Variants in MVD observed in about 807,000 individuals in gnomAD.
MVD encodes the protein mevalonate diphosphate decarboxylase.
A neutral mutation model predicts 42.4 loss-of-function variants in MVD; 52 were observed. The observed-to-expected ratio is 1.23, with a 90% CI of 0.98 to 1.55. MVD has a LOEUF of 1.55. MVD is among the 40% of genes most tolerant of loss of function. The probability of loss-of-function intolerance (pLI) is 0.00; values close to 1 mark genes in which losing one functional copy is unlikely to be tolerated. For missense variants in MVD, 663 were observed against 572.1 expected, an observed-to-expected ratio of 1.16 and a Z score of -1.62; for synonymous variants, 287 against 243.2, an observed-to-expected ratio of 1.18 and a Z score of -1.68.
intron 4 of MVD, chr16:88,657,203 T>C: frequency 1.4e-6 from 1 of 699,590 alleles, no homozygotes; most frequent in South Asian, 1.5e-5. Context: ...CCCATCAGCC[T>C]CTTAAGTACT....
At chr16:88,657,802 T>A in intron 3 of MVD, 113 bp downstream of exon 3, 3 of 1,308,502 alleles carry the variant, frequency 2.3e-6, no homozygotes, top group Non-Finnish European at 3.2e-6. Flanking sequence ...CATGTCTGGT[T>A]CCCAGCCACC....
intron 6 of MVD, 46 bp from the exon 7 acceptor site, chr16:88,655,463 C>T: frequency 6.5e-7 from 1 of 1,536,768 alleles, no homozygotes. Flanking sequence ...GGGGTCTCGA[C>T]AGCAGAGGGT....
In MVD at chr16:88,662,698, C is replaced by T. The variant is rs374753109; in HGVS notation, c.70+313G>A. 6,609 of 1,374,784 alleles carry T rather than the reference C, an allele frequency of 4.8e-3. 35 individuals carry two copies. The highest frequency in any genetic ancestry group is 0.019 in the South Asian group (1,453 of 75,746). The allele number at this position is 1,374,784 out of a possible 1,614,324, so 85.2% of individuals were successfully genotyped here. A position where few individuals can be genotyped will look rare whatever the true frequency, so the allele number is the denominator to read the frequency against. ...CTGGAGCCACAAACGCGCACCACCA[C>T]GGCGGATTCTTACGATTCATGGGAA... On this transcript the variant is annotated intron_variant, in intron 1 of 9. Coordinates refer to ENST00000301012, the MANE Select transcript of MVD (RefSeq NM_002461.3).
intron 3 of MVD, 83 bp from the exon 4 acceptor site, chr16:88,657,665 C>T (rs1908020822): frequency 1.3e-6 from 2 of 1,556,120 alleles, no homozygotes; most frequent in South Asian, 2.4e-5. Flanking sequence ...GGGGTCACAG[C>T]TGAACACCAG....
Position 88,653,356 on chromosome 16 carries a change from C to T in MVD, c.1066G>A (p.Ala356Thr). The T allele has an allele frequency of 6.3e-7, 1 of 1,599,680 alleles. No individual in the cohort carries two copies. The highest frequency in any genetic ancestry group is 2.2e-5 in the East Asian group (1 of 44,666). The change falls in exon 9 of 10, where the codon GCT (alanine) becomes ACT (threonine). Residue 356 changes from alanine (A) to threonine (T), a missense_variant. Transcript: ENST00000301012. ...GGGGTCGGCTCCATGGCCAGCGCAG[C>T]CTGAAGCTCAGCTGAGAGAGGGGCC... ...RPAPLSAELQ[A>T]ALAMEPTPGG...
At chr16:88,660,100 G>C (rs1228872273) in intron 1 of MVD, among the ~76,000 whole-genome samples, 3 of 152,074 alleles carry the variant, frequency 2.0e-5, no homozygotes, top group Non-Finnish European at 4.4e-5. Flanking sequence ...GGAGTCATTG[G>C]AGAGCACACG....
chr16:88,655,781 A>C (rs1006446355), intron 5 of MVD, 51 bp from the exon 6 acceptor site: 20 of 1,538,696 alleles, frequency 1.3e-5, no homozygotes, highest in Non-Finnish European at 1.6e-5. Context: ...GGCCAGCCCC[A>C]AGGACCTCAG....
At chr16:88,652,727 C>T in intron 9 of MVD, 122 bp from the exon 10 acceptor site, 1 of 970,314 alleles carries the variant, frequency 1.0e-6, no homozygotes, top group Non-Finnish European at 1.5e-6. Context: ...GGGTCCTGGT[C>T]AGAAGGTAAA....
intron 9 of MVD, 110 bp from the exon 10 acceptor site, chr16:88,652,715 G>T: frequency 9.5e-7 from 1 of 1,055,200 alleles, no homozygotes; most frequent in Non-Finnish European, 1.4e-6. Flanking sequence ...CGCCCTTCCT[G>T]TGGGTCCTGG....
Position 88,654,752 on chromosome 16 carries a change from G to C in MVD, c.953C>G (p.Thr318Ser), listed in dbSNP as rs1234476105. ...PNAVIFTLDDTVAEFVAAVWH... is the reference protein window; with the variant it reads ...PNAVIFTLDDSVAEFVAAVWH... ...CACAGCAGCCACAAACTCAGCCACA[G>C]TGTCGTCCAGGGTGAAGATCACGGC... Residue 318 changes from threonine (T) to serine (S), a missense_variant, in exon 8 of 10, where the codon ACT becomes AGT. Physicochemically the swap from Thr to Ser is moderately conservative, Grantham distance 58. Coordinates refer to ENST00000301012, the MANE Select transcript of MVD (RefSeq NM_002461.3). The C allele has an allele frequency of 3.1e-6, 5 of 1,602,182 alleles. No individual in the cohort carries two copies. The African/African-American group carries it at 6.7e-5, about 22-fold the overall frequency.
intron 1 of MVD, chr16:88,662,564 A>G (rs1394379773): frequency 1.3e-6 from 1 of 745,218 alleles, no homozygotes; most frequent in Non-Finnish European, 1.8e-6. Flanking sequence ...AAACGGGGCG[A>G]GGGAGGGACA....
At chr16:88,655,928 G>A (rs3736111) in intron 5 of MVD, 177 bp downstream of exon 5, 182,150 of 1,104,052 alleles carry the variant, frequency 0.16, 16,705 homozygotes, top group South Asian at 0.23. Context: ...GGGTGGTGGC[G>A]CCCGCCGCAT....
At chr16:88,654,334 T>A (rs1227635232) in intron 8 of MVD, among the ~76,000 whole-genome samples, 4 of 152,186 alleles carry the variant, frequency 2.6e-5, no homozygotes, top group Non-Finnish European at 4.4e-5. Flanking sequence ...ACTCCTTTCC[T>A]TCAAAATGTC....
At chr16:88,657,761 G>A in intron 3 of MVD, 154 bp downstream of exon 3, 1 of 1,232,942 alleles carries the variant, frequency 8.1e-7, no homozygotes, top group Non-Finnish European at 1.1e-6. Context: ...ATTGAGGTGG[G>A]CCACTGCCCT....
intron 7 of MVD, 40 bp downstream of exon 7, chr16:88,655,159 A>G: frequency 6.5e-7 from 1 of 1,542,838 alleles, no homozygotes; most frequent in Non-Finnish European, 8.8e-7. Flanking sequence ...GACACGCGCT[A>G]CAGCGCGAGC....
chr16:88,660,738 T>G (rs1408288455), intron 1 of MVD: 1 of 149,748 alleles, frequency 6.7e-6, no homozygotes, highest in Non-Finnish European at 1.5e-5. Flanking sequence ...CCAGACGCGG[T>G]GGCTCACACC....
chr16:88,663,046 C>A lies in MVD; in HGVS notation c.35G>T (p.Cys12Phe), dbSNP rs746844528. ...GACCGCGATGTTGACCGGCGCTGTA[C>A]AAGTGACTGCCGCCAGCGGCTTCTC... is the stretch of plus-strand genomic sequence containing the variant. ...ASEKPLAAVT[C>F]TAPVNIAVIK... Residue 12 changes from cysteine (C) to phenylalanine (F), a missense_variant, in exon 1 of 10, where the codon TGT (cysteine) becomes TTT (phenylalanine). Coordinates refer to ENST00000301012, the MANE Select transcript of MVD (RefSeq NM_002461.3). 6.2e-7 allele frequency: 1 copy of A among 1,610,540 alleles called. No individual in the cohort carries two copies. The highest frequency in any genetic ancestry group is 1.3e-5 in the African/African-American group (1 of 74,868).
intron 4 of MVD, 37 bp downstream of exon 4, chr16:88,657,399 C>T (rs61625951): frequency 1.9e-6 from 3 of 1,556,296 alleles, no homozygotes; most frequent in Non-Finnish European, 8.7e-7. Context: ...CCTGCGCCCA[C>T]AGCCCAGAAC....
chr16:88,654,781 G>A lies in MVD; in HGVS notation c.924C>T (p.Pro308=). The change falls in exon 8 of 10, where the codon CCC becomes CCT. Residue 308 remains proline, a synonymous_variant. Coordinates refer to ENST00000301012, the MANE Select transcript of MVD (RefSeq NM_002461.3). ...TKVAYTFDAG[P]NAVIFTLDDT... is the part of the protein sequence containing the mutation. ...CGTCCAGGGTGAAGATCACGGCATT[G>A]GGGCCCGCGTCAAAGGTGTACGCCA... is the stretch of plus-strand genomic sequence containing the variant. 6.3e-7 allele frequency: 1 copy of A among 1,589,648 alleles called. No homozygotes were observed. The highest frequency in any genetic ancestry group is 8.5e-7 in the Non-Finnish European group (1 of 1,170,208).
Sources: allele counts gnomAD v4.1 joint callset (sites outside exome capture counted in the v4.1 genomes callset), GRCh38; gene constraint gnomAD v4.1.1; transcripts MANE v1.5; gene names NCBI Gene and HGNC (gene_info 2026-07-23, HGNC 2026-07-21).